Variants in VAV3 observed in about 807,000 individuals in gnomAD.
VAV3 encodes guanine nucleotide exchange factor VAV3.
Under a neutral mutation model 131.2 loss-of-function variants are expected in VAV3, and 94 were observed. That is an observed-to-expected ratio of 0.72 (90% confidence interval 0.61 to 0.85). VAV3 has a LOEUF of 0.85. Ranked by LOEUF, VAV3 falls within the 40% of genes least tolerant of loss-of-function variation. The probability of loss-of-function intolerance (pLI) is 0.00; values close to 1 mark genes in which losing one functional copy is unlikely to be tolerated. For missense variants in VAV3, 939 were observed against 1,002.7 expected, an observed-to-expected ratio of 0.94 and a Z score of 0.86; for synonymous variants, 349 against 342.0, an observed-to-expected ratio of 1.02 and a Z score of -0.22.
chr1:107,681,524 T>C (rs975070393), intron 19 of VAV3, among the ~76,000 whole-genome samples: 1 of 151,982 alleles, frequency 6.6e-6, no homozygotes, highest in Non-Finnish European at 1.5e-5. Context: ...AAGACAGCTG[T>C]GGGAAGAAAT....
At chr1:107,636,863 TACTA>T (rs770583806) in intron 20 of VAV3, among the ~76,000 whole-genome samples, 17 of 152,272 alleles carry the variant, frequency 1.1e-4, no homozygotes, top group South Asian at 4.1e-4. Context: ...AAATTTGCAG[TACTA>T]ACTAACTATA....
At chr1:107,774,208 A>C (rs1450674111) in intron 4 of VAV3, among the ~76,000 whole-genome samples, 2 of 152,088 alleles carry the variant, frequency 1.3e-5, no homozygotes, top group African/African-American at 4.8e-5. Context: ...CTGGAATTAC[A>C]GGCACGCACC....
intron 15 of VAV3, among the ~76,000 whole-genome samples, chr1:107,735,487 A>C (rs1278270331): frequency 6.6e-6 from 1 of 152,190 alleles, no homozygotes; most frequent in East Asian, 1.9e-4. Context: ...AAAAGAGAGA[A>C]GAATCAAATA....
chr1:107,947,645 T>C (rs1674331379), intron 1 of VAV3, among the ~76,000 whole-genome samples: 1 of 152,206 alleles, frequency 6.6e-6, no homozygotes, highest in Non-Finnish European at 1.5e-5. Context: ...ATTCACCTAA[T>C]GGTGCATGAG....
rs1186450831 is a variant in VAV3, at chr1:107,664,027, T to A, written c.1777+19461A>T. Among the ~76,000 whole-genome samples, 5 of 152,152 alleles carry A rather than the reference T, an allele frequency of 3.3e-5. No homozygotes were observed. In the East Asian group the frequency reaches 9.6e-4, roughly 29 times the overall value. On this transcript the variant is annotated intron_variant, in intron 19 of 26. Transcript: ENST00000370056. Reference sequence around the variant, plus strand: ...TATTTTTGTACATTAGTCTCAAAAATAAGCAATTAGTAAAATAGGACTGCT... The same window carrying A: ...TATTTTTGTACATTAGTCTCAAAAAAAAGCAATTAGTAAAATAGGACTGCT...
intron 2 of VAV3, among the ~76,000 whole-genome samples, chr1:107,841,033 A>G (rs922318429): frequency 1.4e-4 from 22 of 152,322 alleles, no homozygotes; most frequent in African/African-American, 5.3e-4. Context: ...CTGAGGTTTA[A>G]GCTGACTGAC....
At chr1:107,575,029 GTT>G (rs1287176660) in intron 25 of VAV3, among the ~76,000 whole-genome samples, 1 of 49,372 alleles carries the variant, frequency 2.0e-5, no homozygotes. Context: ...ACGCGCGCGT[GTT>G]TAATATTCGA....
chr1:107,937,210 ATTAT>A (rs1673766660), intron 1 of VAV3, among the ~76,000 whole-genome samples: 1 of 152,224 alleles, frequency 6.6e-6, no homozygotes, highest in Non-Finnish European at 1.5e-5. Context: ...ATAATGTGTG[ATTAT>A]TTAAATTCAA....
intron 15 of VAV3, among the ~76,000 whole-genome samples, chr1:107,712,575 T>C (rs1483390143): frequency 2.0e-5 from 3 of 152,316 alleles, no homozygotes; most frequent in African/African-American, 7.2e-5. Flanking sequence ...ATCAATAATA[T>C]AAAATGTAAA....
At chr1:107,658,710 C>A (rs1288931349) in intron 19 of VAV3, among the ~76,000 whole-genome samples, 1 of 152,174 alleles carries the variant, frequency 6.6e-6, no homozygotes, top group South Asian at 2.1e-4. Context: ...TGATGATGAG[C>A]ATTTTTTCAT....
At chr1:107,686,688 T>A (rs774136498) in intron 18 of VAV3, among the ~76,000 whole-genome samples, 1 of 152,214 alleles carries the variant, frequency 6.6e-6, no homozygotes, top group Admixed American at 6.5e-5. Context: ...TATACTTATA[T>A]TGAAGAGTGA....
intron 17 of VAV3, among the ~76,000 whole-genome samples, chr1:107,693,413 ATC>A (rs1659557761): frequency 6.6e-6 from 1 of 152,204 alleles, no homozygotes; most frequent in Non-Finnish European, 1.5e-5. Flanking sequence ...TGAGTTAATA[ATC>A]TGTCATAATC....
chr1:107,915,118 A>C, intron 1 of VAV3, among the ~76,000 whole-genome samples: 1 of 152,226 alleles, frequency 6.6e-6, no homozygotes, highest in Non-Finnish European at 1.5e-5. Context: ...CAGACTATGG[A>C]GAACCCAAAT....
intron 1 of VAV3, among the ~76,000 whole-genome samples, chr1:107,877,103 G>A (rs1215478278): frequency 1.3e-5 from 2 of 152,086 alleles, no homozygotes; most frequent in Non-Finnish European, 2.9e-5. Context: ...AAAACCACAA[G>A]GGAAGCATCA....
chr1:107,628,857 G>A (rs1264965734), intron 20 of VAV3, among the ~76,000 whole-genome samples: 1 of 152,076 alleles, frequency 6.6e-6, no homozygotes, highest in Admixed American at 6.6e-5. Context: ...CTAAATGAAG[G>A]TAACATGATT....
chr1:107,959,423 C>T (rs190644636), intron 1 of VAV3, among the ~76,000 whole-genome samples: 1 of 152,202 alleles, frequency 6.6e-6, no homozygotes, highest in East Asian at 1.9e-4. Context: ...GGTGTTTGCC[C>T]ACCACATCAC....
chr1:107,672,814 T>C (rs1422552836), intron 19 of VAV3, among the ~76,000 whole-genome samples: 1 of 152,218 alleles, frequency 6.6e-6, no homozygotes, highest in Non-Finnish European at 1.5e-5. Context: ...TGGTATCAAC[T>C]ACTATGATAT....
chr1:107,704,721 A>C (rs943899032), intron 16 of VAV3, 71 bp from the exon 17 acceptor site: 10 of 1,307,114 alleles, frequency 7.7e-6, no homozygotes, highest in African/African-American at 1.5e-5. Context: ...TACTGCAAGA[A>C]GAAGAAAAAA....
At chr1:107,678,285 C>T (rs932837844) in intron 19 of VAV3, among the ~76,000 whole-genome samples, 1 of 152,000 alleles carries the variant, frequency 6.6e-6, no homozygotes, top group African/African-American at 2.4e-5. Flanking sequence ...AATTATGCTC[C>T]CAATATTTAG....
Sources: gnomAD v4.1 joint callset for allele counts (sites outside exome capture counted in the v4.1 genomes callset) on GRCh38, gnomAD v4.1.1 for gene constraint, MANE v1.5 for transcripts, NCBI Gene and HGNC (gene_info 2026-07-23, HGNC 2026-07-21) for gene names.